MTHFD1: variants seen among roughly 807,000 people sequenced by gnomAD.
The protein encoded by MTHFD1 is methylenetetrahydrofolate dehydrogenase, cyclohydrolase and formyltetrahydrofolate synthetase 1.
A neutral mutation model predicts 110.3 loss-of-function variants in MTHFD1; 44 were observed. The ratio of observed to expected loss-of-function variants is 0.40; its 90% CI spans 0.31 to 0.51. The LOEUF is 0.51. Among genes scored for constraint, MTHFD1 ranks in the 20% least tolerant of loss-of-function variants. The probability of loss-of-function intolerance (pLI) is 0.60; values close to 1 mark genes in which losing one functional copy is unlikely to be tolerated. For missense variants in MTHFD1, 909 were observed against 1,173.1 expected, an observed-to-expected ratio of 0.77 and a Z score of 3.29; for synonymous variants, 402 against 428.8, an observed-to-expected ratio of 0.94 and a Z score of 0.77.
intron 9 of MTHFD1, 77 bp downstream of exon 9, chr14:64,425,008 A>G: frequency 6.4e-7 from 1 of 1,568,014 alleles, no homozygotes; most frequent in Non-Finnish European, 8.7e-7. Flanking sequence ...CCAAGTAGAA[A>G]TGTCAAAAAC....
chr14:64,406,126 C>T (rs1476937001), intron 2 of MTHFD1, among the ~76,000 whole-genome samples: 2 of 151,346 alleles, frequency 1.3e-5, no homozygotes, highest in Non-Finnish European at 2.9e-5. Flanking sequence ...GCAACCTCCA[C>T]CTCCTGGGTT....
At chr14:64,454,928 G>T (rs755271347) in intron 26 of MTHFD1, 53 bp downstream of exon 26, 1 of 1,589,578 alleles carries the variant, frequency 6.3e-7, no homozygotes, top group African/African-American at 1.3e-5. Context: ...CTCGTCTGAA[G>T]TGTGTTGCCG....
At chr14:64,402,759 T>A (rs1360356400) in intron 2 of MTHFD1, among the ~76,000 whole-genome samples, 1 of 151,844 alleles carries the variant, frequency 6.6e-6, no homozygotes, top group African/African-American at 2.4e-5. Context: ...CAGGGAGTTG[T>A]GTTCATGCCA....
At chr14:64,459,204 T>C (rs139220969) in intron 27 of MTHFD1, among the ~76,000 whole-genome samples, 16 of 152,122 alleles carry the variant, frequency 1.1e-4, no homozygotes, top group African/African-American at 3.9e-4. Context: ...TATTTAGCAA[T>C]GTACTTAGCA....
At chr14:64,389,647 T>A (rs2077789129) in intron 1 of MTHFD1, among the ~76,000 whole-genome samples, 1 of 151,734 alleles carries the variant, frequency 6.6e-6, no homozygotes, top group Non-Finnish European at 1.5e-5. Flanking sequence ...GGGCAGAGGT[T>A]GCAGTGAGCT....
In MTHFD1 at chr14:64,429,261, A is replaced by AACATATATATATATATATAT. The variant is rs11158541; in HGVS notation, c.1265-922_1265-921insCATATATATATATATATATA. 4.3e-3 allele frequency among the ~76,000 whole-genome samples: 468 copies of AACATATATATATATATATAT among 108,168 alleles called. 46 individuals are homozygous for AACATATATATATATATATAT. Among genetic ancestry groups the AACATATATATATATATATAT allele is most frequent in the African/African-American group, 0.013 (383 of 29,344 alleles). 71.0% of individuals were successfully genotyped at this position (108,168 alleles called of 152,430 possible). ...GACAGTATGAGACTCTGTCTAAAAA[A>AACATATATATATATATATAT]ATATATATCTGATTTACATTTATTG... On this transcript the variant is annotated intron_variant, in intron 12 of 27. Coordinates refer to ENST00000652337, the MANE Select transcript of MTHFD1 (RefSeq NM_005956.4).
intron 19 of MTHFD1, 79 bp downstream of exon 19, chr14:64,441,532 C>A: frequency 7.3e-7 from 1 of 1,362,938 alleles, no homozygotes; most frequent in Non-Finnish European, 1.0e-6. Context: ...ACTTGCAAGG[C>A]GCGGTGGCTC....
At chr14:64,435,041 C>G (rs1326190239) in intron 15 of MTHFD1, among the ~76,000 whole-genome samples, 1 of 149,050 alleles carries the variant, frequency 6.7e-6, no homozygotes, top group Non-Finnish European at 1.5e-5. Flanking sequence ...CCTCTACCTC[C>G]TGGGTTCAAG....
intron 22 of MTHFD1, 29 bp downstream of exon 22, chr14:64,444,763 C>T: frequency 6.2e-7 from 1 of 1,611,370 alleles, no homozygotes; most frequent in Non-Finnish European, 8.5e-7. Flanking sequence ...CATCACGTGT[C>T]CTAGAAAGCA....
At chr14:64,459,709 A>G (rs2140995614) in intron 27 of MTHFD1, 50 bp from the exon 28 acceptor site, 1 of 1,312,116 alleles carries the variant, frequency 7.6e-7, no homozygotes, top group Non-Finnish European at 9.8e-7. Context: ...AACAGGAAAC[A>G]TTTCAGTGCT....
chr14:64,437,252 A>G (rs1280208930), intron 16 of MTHFD1, among the ~76,000 whole-genome samples: 2 of 152,114 alleles, frequency 1.3e-5, no homozygotes, highest in Non-Finnish European at 2.9e-5. Context: ...GTACTCTGTG[A>G]GCTTCTCACA....
chr14:64,444,145 C>A (rs2078270943), intron 21 of MTHFD1, among the ~76,000 whole-genome samples: 1 of 152,144 alleles, frequency 6.6e-6, no homozygotes, highest in Admixed American at 6.5e-5. Flanking sequence ...CCAGACACCT[C>A]CATCCTTTAG....
chr14:64,407,031 C>G (rs1322594467), intron 2 of MTHFD1, among the ~76,000 whole-genome samples: 1 of 152,122 alleles, frequency 6.6e-6, no homozygotes, highest in African/African-American at 2.4e-5. Context: ...AATTCCTTAG[C>G]AATGCATTCA....
intron 1 of MTHFD1, among the ~76,000 whole-genome samples, chr14:64,397,184 TATATATA>T (rs1279946458): frequency 0.036 from 480 of 13,508 alleles, 24 homozygotes; most frequent in African/African-American, 0.084. Context: ...TATATATATA[TATATATA>T]AAAAACAGTA....
intron 24 of MTHFD1, among the ~76,000 whole-genome samples, chr14:64,452,555 C>T (rs375628174): frequency 1.3e-5 from 2 of 152,338 alleles, no homozygotes; most frequent in Non-Finnish European, 1.5e-5. Flanking sequence ...GAGGCCCTCA[C>T]CAGTTAGACC....
Position 64,427,541 on chromosome 14 carries a change from C to G in MTHFD1, c.1264+68C>G, listed in dbSNP as rs532006885. Reference sequence around the variant, plus strand: ...TTCTCCTTCAGTCCTCCCAGGCCCACGCAACCTATGATACTTATGGGGTCT... The same window carrying G: ...TTCTCCTTCAGTCCTCCCAGGCCCAGGCAACCTATGATACTTATGGGGTCT... On this transcript the variant is annotated intron_variant, in intron 12 of 27. Transcript: ENST00000652337. 10 of 1,501,916 alleles carry G rather than the reference C, an allele frequency of 6.7e-6. 1 individual carries two copies. Among genetic ancestry groups the G allele is most frequent in the Admixed American group, 1.7e-5 (1 of 59,860 alleles). 93.0% of individuals were successfully genotyped at this position (1,501,916 alleles called of 1,614,324 possible). A position where few individuals can be genotyped will look rare whatever the true frequency, so the allele number is the denominator to read the frequency against.
In MTHFD1 at chr14:64,390,810, G is replaced by A. The variant is rs1028656835; in HGVS notation, c.41+2342G>A. 3.3e-5 allele frequency among the ~76,000 whole-genome samples: 5 copies of A among 152,070 alleles called. No homozygotes were observed. The South Asian group carries it at 6.2e-4, about 19-fold the overall frequency. The stretch of plus-strand genomic sequence containing the variant: ...ACTACAGGTGTGTGCCACCCCGTCC[G>A]GCTAATTTTTGTATTTTTAGTAGAG... On this transcript the variant is annotated intron_variant, in intron 1 of 27. Coordinates refer to ENST00000652337, the MANE Select transcript of MTHFD1 (RefSeq NM_005956.4).
chr14:64,399,022 A>C (rs2077877837), intron 1 of MTHFD1, among the ~76,000 whole-genome samples: 1 of 152,210 alleles, frequency 6.6e-6, no homozygotes, highest in African/African-American at 2.4e-5. Context: ...CCTTGTGTTA[A>C]ATTCTTTGTA....
Position 64,453,698 on chromosome 14 carries a change from T to G in MTHFD1, c.2458-56T>G, listed in dbSNP as rs2078416811. On this transcript the variant is annotated intron_variant, in intron 24 of 27. Coordinates refer to ENST00000652337, the MANE Select transcript of MTHFD1 (RefSeq NM_005956.4). ...ACCTAGAATGTGGCTATGTCCTGGT[T>G]AAATGTCCTCACATGTGTCCAGTCA... 3.0e-5 allele frequency: 32 copies of G among 1,076,604 alleles called. No individual in the cohort carries two copies. In the South Asian group the frequency reaches 4.1e-4, roughly 14 times the overall value. 66.7% of individuals were successfully genotyped at this position (1,076,604 alleles called of 1,614,324 possible). A position where few individuals can be genotyped will look rare whatever the true frequency, so the allele number is the denominator to read the frequency against.
Sources: gnomAD v4.1 joint callset for allele counts (sites outside exome capture counted in the v4.1 genomes callset) on GRCh38, gnomAD v4.1.1 for gene constraint, MANE v1.5 for transcripts, NCBI Gene and HGNC (gene_info 2026-07-23, HGNC 2026-07-21) for gene names.